TNKS: variants seen among roughly 807,000 people sequenced by gnomAD.
TNKS encodes poly [ADP-ribose] polymerase tankyrase-1.
In TNKS, 72 loss-of-function variants were observed where a neutral mutation model predicts 135.8. That is an observed-to-expected ratio of 0.53 (90% CI 0.44 to 0.64). The LOEUF (loss-of-function observed/expected upper bound fraction) is 0.64, where lower values mean the gene tolerates loss of function less well. Among genes scored for constraint, TNKS ranks in the 30% least tolerant of loss-of-function variants. The probability of loss-of-function intolerance (pLI) is 0.00; values close to 1 mark genes in which losing one functional copy is unlikely to be tolerated. For synonymous variants in TNKS, 849 were observed against 649.3 expected (o/e 1.31, Z -4.68); for missense variants, 1,769 against 1,674.0 (o/e 1.06, Z -0.99).
chr8:9,763,098 C>G (rs1403241602), intron 21 of TNKS, 49 bp from the exon 22 acceptor site: 4 of 738,380 alleles, frequency 5.4e-6, no homozygotes, highest in Non-Finnish European at 8.4e-6. Flanking sequence ...AAAATAGAGC[C>G]TGAGTAGTGT....
chr8:9,719,031 A>G (rs1347870178), intron 11 of TNKS, among the ~76,000 whole-genome samples: 1 of 152,358 alleles, frequency 6.6e-6, no homozygotes, highest in East Asian at 1.9e-4. Flanking sequence ...TGAAGAAGTA[A>G]CAAAGAAATC....
intron 3 of TNKS, among the ~76,000 whole-genome samples, chr8:9,642,915 T>C (rs1419827360): frequency 6.8e-6 from 1 of 146,414 alleles, no homozygotes; most frequent in East Asian, 2.1e-4. Flanking sequence ...ACTATTGTTA[T>C]AAAGTAACTG....
chr8:9,632,964 C>T (rs1800355418), intron 3 of TNKS, among the ~76,000 whole-genome samples: 1 of 152,126 alleles, frequency 6.6e-6, no homozygotes, highest in Non-Finnish European at 1.5e-5. Context: ...CTCCTGACCT[C>T]GTGATCTGCC....
At chr8:9,762,503 TTTC>T (rs1301803424) in intron 21 of TNKS, among the ~76,000 whole-genome samples, 3 of 124,374 alleles carry the variant, frequency 2.4e-5, no homozygotes, top group Non-Finnish European at 5.1e-5. Flanking sequence ...AGTGCCTGTT[TTTC>T]TTTTTTTTTG....
At chr8:9,731,482 A>C (rs1232004114) in intron 14 of TNKS, among the ~76,000 whole-genome samples, 1 of 151,454 alleles carries the variant, frequency 6.6e-6, no homozygotes, top group African/African-American at 2.4e-5. Flanking sequence ...AAAAAAAAAA[A>C]AACATAGAAA....
intron 12 of TNKS, among the ~76,000 whole-genome samples, chr8:9,724,061 G>A (rs1052725257): frequency 9.2e-5 from 14 of 151,956 alleles, no homozygotes; most frequent in African/African-American, 2.4e-4. Flanking sequence ...GCTTCCTAGC[G>A]TTTCTAACTT....
chr8:9,657,690 C>A (rs1267219788), intron 3 of TNKS, among the ~76,000 whole-genome samples: 1 of 89,444 alleles, frequency 1.1e-5, no homozygotes, highest in Non-Finnish European at 2.4e-5. Flanking sequence ...GGTGGCTGGC[C>A]GGGCTGAGGG....
chr8:9,586,789 T>C (rs1798397869), intron 2 of TNKS, among the ~76,000 whole-genome samples: 1 of 150,074 alleles, frequency 6.7e-6, no homozygotes, highest in African/African-American at 2.5e-5. Flanking sequence ...AATAATCCAA[T>C]TGACTTGTTA....
At chr8:9,658,497 G>C (rs564898240) in intron 3 of TNKS, 2 of 574,312 alleles carry the variant, frequency 3.5e-6, no homozygotes, top group Non-Finnish European at 5.6e-6. Context: ...CTTCATAAGT[G>C]AAGGAGAAAT....
chr8:9,765,034 A>C (rs1038981183), intron 23 of TNKS, among the ~76,000 whole-genome samples: 8 of 152,344 alleles, frequency 5.3e-5, no homozygotes, highest in African/African-American at 1.9e-4. Context: ...ATCAGCTTCT[A>C]CTAGTGATAC....
intron 20 of TNKS, among the ~76,000 whole-genome samples, chr8:9,754,152 T>C (rs57932559): frequency 0.023 from 3,482 of 152,282 alleles, 125 homozygotes; most frequent in African/African-American, 0.079. Context: ...CAGACACTTT[T>C]CTTCCAAGGA....
At chr8:9,624,562 T>C (rs528527879) in intron 3 of TNKS, among the ~76,000 whole-genome samples, 1 of 152,230 alleles carries the variant, frequency 6.6e-6, no homozygotes, top group Non-Finnish European at 1.5e-5. Flanking sequence ...GATATTGACA[T>C]TGATGCAGTC....
intron 5 of TNKS, among the ~76,000 whole-genome samples, chr8:9,681,899 C>A (rs10103762): frequency 0.029 from 4,421 of 152,088 alleles, 153 homozygotes; most frequent in African/African-American, 0.086. Flanking sequence ...GCTTATATAT[C>A]GTTACATGGC....
At chr8:9,703,834 T>G (rs1262803520) in intron 5 of TNKS, among the ~76,000 whole-genome samples, 1 of 152,092 alleles carries the variant, frequency 6.6e-6, no homozygotes, top group Admixed American at 6.5e-5. Context: ...TTAGCAAAGG[T>G]GGAAAATTGC....
intron 2 of TNKS, among the ~76,000 whole-genome samples, chr8:9,601,018 A>C (rs1798995397): frequency 6.6e-6 from 1 of 152,244 alleles, no homozygotes; most frequent in African/African-American, 2.4e-5. Flanking sequence ...TTCTGTAAGC[A>C]AGAGCTTTTA....
At chr8:9,560,494 T>TC (rs1491342579) in intron 1 of TNKS, among the ~76,000 whole-genome samples, 2 of 60,776 alleles carry the variant, frequency 3.3e-5, no homozygotes, top group African/African-American at 1.3e-4. Flanking sequence ...CATACTTGTC[T>TC]TTTTTTTTTT....
At chr8:9,659,732 G>C (rs1801602461) in intron 3 of TNKS, among the ~76,000 whole-genome samples, 1 of 152,282 alleles carries the variant, frequency 6.6e-6, no homozygotes, top group African/African-American at 2.4e-5. Context: ...AAATAAGTAA[G>C]ATCAGAGCAG....
chr8:9,680,807 T>G lies in TNKS; in HGVS notation c.1107+7T>G. 2 of 1,609,048 alleles carry G rather than the reference T, an allele frequency of 1.2e-6. No individual in the cohort carries two copies. The highest frequency in any genetic ancestry group is 4.5e-5 in the East Asian group (2 of 44,702). On this transcript the variant is annotated splice_region_variant and intron_variant, in intron 5 of 26. Coordinates refer to ENST00000310430, the MANE Select transcript of TNKS (RefSeq NM_003747.3). ...TGCAAGTGATGGGCGAAAGGTAAGT[T>G]ATTTTAAATACAATCCTCTTTAATT...
At chr8:9,724,390 C>G (rs1311259617) in intron 12 of TNKS, among the ~76,000 whole-genome samples, 5 of 152,166 alleles carry the variant, frequency 3.3e-5, no homozygotes, top group South Asian at 2.1e-4. Flanking sequence ...GATTTCAAGA[C>G]CAGCCAGGGC....
Sources: gnomAD v4.1 joint callset for allele counts (sites outside exome capture counted in the v4.1 genomes callset) on GRCh38, gnomAD v4.1.1 for gene constraint, MANE v1.5 for transcripts, NCBI Gene and HGNC (gene_info 2026-07-23, HGNC 2026-07-21) for gene names.